The following GRIK4 variants were observed in gnomAD, a reference collection of about 807,000 sequenced individuals.
GRIK4 encodes glutamate ionotropic receptor kainate type subunit 4.
GRIK4 carries 40 observed loss-of-function variants against 104.9 expected under a neutral mutation model. The ratio of observed to expected loss-of-function variants is 0.38; its 90% CI spans 0.30 to 0.50. The LOEUF is 0.50. Ranked by LOEUF, GRIK4 falls within the 20% of genes least tolerant of loss-of-function variation. The pLI is 0.93. For missense variants in GRIK4, 1,047 were observed against 1,308.1 expected (o/e 0.80, Z 3.08); for synonymous variants, 485 against 524.9 (o/e 0.92, Z 1.04).
chr11:120,746,385 G>T (rs1316641421), intron 3 of GRIK4, among the ~76,000 whole-genome samples: 1 of 152,186 alleles, frequency 6.6e-6, no homozygotes, highest in Non-Finnish European at 1.5e-5. Context: ...CAGCAGCTCT[G>T]CTGATTTTTT....
At position 120,521,259 on chromosome 11, in the gene GRIK4, G is replaced by C. The variant is rs144646388; in HGVS notation, c.-159+9372G>C. On this transcript the variant is annotated intron_variant, in intron 1 of 20. Transcript: ENST00000527524. ...GGCGAATATTTTGATTTTTTGTGGA[G>C]ATGGAGTCTCACTGTGTTATCCAGA... 8.4e-4 allele frequency among the ~76,000 whole-genome samples: 128 copies of C among 152,130 alleles called. 1 individual carries two copies. The highest frequency in any genetic ancestry group is 2.7e-3 in the African/African-American group (113 of 41,488).
chr11:120,981,357 C>T (rs1944649245), intron 19 of GRIK4, among the ~76,000 whole-genome samples: 1 of 152,202 alleles, frequency 6.6e-6, no homozygotes, highest in African/African-American at 2.4e-5. Flanking sequence ...CTCCCAGGAA[C>T]TTACATACTT....
intron 1 of GRIK4, among the ~76,000 whole-genome samples, chr11:120,578,595 C>T (rs1209832682): frequency 2.0e-5 from 3 of 152,232 alleles, no homozygotes; most frequent in Non-Finnish European, 2.9e-5. Flanking sequence ...GGGGGATACA[C>T]GGATGCTTAG....
At chr11:120,692,706 G>A (rs374481460) in intron 3 of GRIK4, among the ~76,000 whole-genome samples, 1 of 152,152 alleles carries the variant, frequency 6.6e-6, no homozygotes, top group African/African-American at 2.4e-5. Flanking sequence ...TTAGTAGGAA[G>A]CTTGAACTTT....
intron 3 of GRIK4, among the ~76,000 whole-genome samples, chr11:120,754,484 T>C (rs1951618818): frequency 6.6e-6 from 1 of 152,252 alleles, no homozygotes; most frequent in Non-Finnish European, 1.5e-5. Flanking sequence ...TTTTATTTGT[T>C]AATCAGTTCA....
At chr11:120,835,733 A>G (rs775249433) in intron 7 of GRIK4, among the ~76,000 whole-genome samples, 1 of 152,172 alleles carries the variant, frequency 6.6e-6, no homozygotes, top group Non-Finnish European at 1.5e-5. Context: ...AGGAGGGATG[A>G]GGGTCCCCAG....
intron 13 of GRIK4, among the ~76,000 whole-genome samples, chr11:120,917,548 G>A (rs970345411): frequency 2.6e-5 from 4 of 152,186 alleles, no homozygotes; most frequent in African/African-American, 7.2e-5. Context: ...AATGACATCG[G>A]AGCGTCACCC....
At chr11:120,846,088 A>G (rs1263106614) in intron 8 of GRIK4, among the ~76,000 whole-genome samples, 1 of 152,210 alleles carries the variant, frequency 6.6e-6, no homozygotes, top group East Asian at 1.9e-4. Flanking sequence ...TTGTTGGAAG[A>G]TGGAAATATG....
chr11:120,631,427 A>G (rs1267017600), intron 1 of GRIK4, among the ~76,000 whole-genome samples: 1 of 152,204 alleles, frequency 6.6e-6, no homozygotes, highest in African/African-American at 2.4e-5. Context: ...ATGTGACGCT[A>G]CTAAAGCATC....
intron 3 of GRIK4, among the ~76,000 whole-genome samples, chr11:120,663,789 T>A (rs1485964775): frequency 1.3e-5 from 2 of 152,146 alleles, no homozygotes; most frequent in Non-Finnish European, 2.9e-5. Context: ...CAAATCCAGC[T>A]CCTCCTTCTA....
intron 8 of GRIK4, among the ~76,000 whole-genome samples, chr11:120,856,970 C>T (rs984809281): frequency 6.6e-6 from 1 of 152,192 alleles, no homozygotes; most frequent in African/African-American, 2.4e-5. Context: ...AAGCTGCCCA[C>T]AAGGTCTGCC....
At chr11:120,618,692 A>T (rs1387069842) in intron 1 of GRIK4, among the ~76,000 whole-genome samples, 1 of 152,210 alleles carries the variant, frequency 6.6e-6, no homozygotes, top group Non-Finnish European at 1.5e-5. Flanking sequence ...GCCGAGGCTC[A>T]AAGGGGCCCA....
At chr11:120,515,810 T>C (rs1312246957) in intron 1 of GRIK4, among the ~76,000 whole-genome samples, 2 of 152,232 alleles carry the variant, frequency 1.3e-5, no homozygotes, top group African/African-American at 2.4e-5. Flanking sequence ...AAAAAACTTA[T>C]GCCACAGTTG....
chr11:120,964,744 C>T (rs1944353657), intron 18 of GRIK4, among the ~76,000 whole-genome samples: 1 of 152,174 alleles, frequency 6.6e-6, no homozygotes, highest in African/African-American at 2.4e-5. Flanking sequence ...ACACTGTTTT[C>T]ACATGTTCTC....
intron 6 of GRIK4, among the ~76,000 whole-genome samples, chr11:120,828,459 G>A (rs1456649851): frequency 6.6e-6 from 1 of 152,150 alleles, no homozygotes; most frequent in African/African-American, 2.4e-5. Context: ...GTTGGGGGGT[G>A]AGTGGGAAAC....
At chr11:120,781,424 C>T (rs893500930) in intron 3 of GRIK4, among the ~76,000 whole-genome samples, 2 of 152,122 alleles carry the variant, frequency 1.3e-5, no homozygotes. Context: ...AACCTTGGCT[C>T]ACTACAGCCT....
chr11:120,849,135 G>A lies in GRIK4; in HGVS notation c.744+12291G>A, dbSNP rs1326503375. ...GCATCCATTTAATAAAAATTGAAAC[G>A]CATTGCTTGTATCTGCCCCCAACGC... On this transcript the variant is annotated intron_variant, in intron 8 of 20. Transcript: ENST00000527524. 5.3e-5 allele frequency among the ~76,000 whole-genome samples: 8 copies of A among 152,144 alleles called. 1 individual carries two copies. Among genetic ancestry groups the A allele is most frequent in the East Asian group, 1.9e-4 (1 of 5,184 alleles).
intron 3 of GRIK4, among the ~76,000 whole-genome samples, chr11:120,765,360 AC>A (rs1373954211): frequency 6.6e-6 from 1 of 151,456 alleles, no homozygotes; most frequent in Non-Finnish European, 1.5e-5. Context: ...AATTCCTCTA[AC>A]CTTTTATCGA....
intron 3 of GRIK4, among the ~76,000 whole-genome samples, chr11:120,783,433 C>T (rs1489188172): frequency 6.6e-6 from 1 of 152,040 alleles, no homozygotes; most frequent in African/African-American, 2.4e-5. Flanking sequence ...TCCTTCTCGC[C>T]TTCCCTGTTC....
Sources: gnomAD v4.1 joint callset for allele counts (sites outside exome capture counted in the v4.1 genomes callset) on GRCh38, gnomAD v4.1.1 for gene constraint, MANE v1.5 for transcripts, NCBI Gene and HGNC (gene_info 2026-07-23, HGNC 2026-07-21) for gene names.